Variants in DAGLB observed in about 807,000 individuals in gnomAD.
DAGLB encodes diacylglycerol lipase-beta.
A neutral mutation model predicts 72.1 loss-of-function variants in DAGLB; 66 were observed. The observed-to-expected ratio is 0.92, with a 90% CI of 0.75 to 1.12. The LOEUF (loss-of-function observed/expected upper bound fraction) is 1.12, where lower values mean the gene tolerates loss of function less well. Ranked by LOEUF, DAGLB falls within the 50% of genes most tolerant of loss-of-function variation. DAGLB has a pLI of 0.00. For synonymous variants in DAGLB, 414 were observed against 359.5 expected, an observed-to-expected ratio of 1.15 and a Z score of -1.71; for missense variants, 1,065 against 884.9, an observed-to-expected ratio of 1.20 and a Z score of -2.58.
intron 8 of DAGLB, among the ~76,000 whole-genome samples, chr7:6,423,977 G>A (rs1027945441): frequency 5.9e-5 from 9 of 152,070 alleles, no homozygotes; most frequent in Admixed American, 6.6e-5. Context: ...GGTGCCTCCC[G>A]GGAGACCCAC....
chr7:6,429,988 G>A (rs1784428157), intron 6 of DAGLB, among the ~76,000 whole-genome samples: 2 of 151,792 alleles, frequency 1.3e-5, no homozygotes, highest in Non-Finnish European at 2.9e-5. Context: ...AGCTTGCAGT[G>A]AGCCGAGATT....
chr7:6,427,580 T>C (rs566608744), intron 6 of DAGLB, among the ~76,000 whole-genome samples: 20 of 152,120 alleles, frequency 1.3e-4, no homozygotes, highest in Non-Finnish European at 2.8e-4. Flanking sequence ...ACCCCGTCTC[T>C]TAAAAGACAA....
rs1785057721 is a variant in DAGLB at position 6,447,731 on chromosome 7, G to GT, written c.95+16dup. The GT allele has an allele frequency of 5.6e-6, 9 of 1,607,580 alleles. No individual in the cohort carries two copies. The highest frequency in any genetic ancestry group is 3.3e-4 in the Middle Eastern group (2 of 6,070). ...CTCTCCGGTGGGCTCCACCGCCCCC[G>GT]TAGCCGCCGTCCTTACCACAGCACT... On this transcript the variant is annotated intron_variant, in intron 1 of 14. Coordinates refer to ENST00000297056, the MANE Select transcript of DAGLB (RefSeq NM_139179.4).
chr7:6,435,225 C>T (rs1784615857), intron 3 of DAGLB, among the ~76,000 whole-genome samples: 1 of 152,152 alleles, frequency 6.6e-6, no homozygotes, highest in Admixed American at 6.5e-5. Context: ...TGGTGGCTCA[C>T]ACCTGTAATC....
chr7:6,447,874 G>T lies in DAGLB; in HGVS notation c.-32C>A. On this transcript the variant is annotated 5_prime_UTR_variant, in exon 1 of 15. Coordinates refer to ENST00000297056, the MANE Select transcript of DAGLB (RefSeq NM_139179.4). ...GGTCCCGTAGCTCGCACTCAGGAGA[G>T]ACCCCGCGCGCCGTTCACCGAGAAC... is the stretch of plus-strand genomic sequence containing the variant. 1 of 1,578,458 alleles carries T rather than the reference G, an allele frequency of 6.3e-7. No homozygotes were observed. The highest frequency in any genetic ancestry group is 1.4e-5 in the African/African-American group (1 of 73,816).
At chr7:6,428,287 A>T (rs1422952991) in intron 6 of DAGLB, among the ~76,000 whole-genome samples, 3 of 137,000 alleles carry the variant, frequency 2.2e-5, no homozygotes, top group African/African-American at 8.2e-5. Context: ...TGGAGGTTGC[A>T]GTGAGCCAGG....
chr7:6,428,172 C>G (rs1261031851), intron 6 of DAGLB, among the ~76,000 whole-genome samples: 4 of 151,868 alleles, frequency 2.6e-5, no homozygotes, highest in African/African-American at 9.7e-5. Flanking sequence ...CAGCGAAAAC[C>G]TGTCTCTATT....
intron 4 of DAGLB, 82 bp downstream of exon 4, chr7:6,434,680 T>C (rs752491681): frequency 2.6e-4 from 411 of 1,581,568 alleles, no homozygotes; most frequent in Non-Finnish European, 3.3e-4. Flanking sequence ...AAACGCGGTT[T>C]TATGGGAACA....
intron 3 of DAGLB, among the ~76,000 whole-genome samples, chr7:6,435,708 G>A (rs1280695697): frequency 1.1e-4 from 16 of 152,128 alleles, no homozygotes; most frequent in Admixed American, 1.0e-3. Flanking sequence ...AGAGTACTCT[G>A]ATAGGCCTCT....
In DAGLB at chr7:6,410,353, A is replaced by T; in HGVS notation, c.1597T>A (p.Tyr533Asn). 1 of 1,613,560 alleles carries T rather than the reference A, an allele frequency of 6.2e-7. No individual in the cohort carries two copies. The highest frequency in any genetic ancestry group is 8.5e-7 in the Non-Finnish European group (1 of 1,179,714). The change falls in exon 14 of 15, where the codon TAC becomes AAC. Residue 533 changes from tyrosine to asparagine, a missense_variant. Transcript: ENST00000297056. ...TTGGGGTTTCCTCCAAACAGTTCGT[A>T]CCACAAACCGTGCAGCAAGATCTTG... is the stretch of plus-strand genomic sequence containing the variant. ...KYKILLHGLW[Y>N]ELFGGNPNNL...
rs1272335251 is a variant in DAGLB, at chr7:6,446,097, C to T, written c.103G>A (p.Gly35Ser). The stretch of plus-strand genomic sequence containing the variant: ...TGCATGAGATACAACGTCAGAATGC[C>T]AATCCACCTGGCAAAAAAAAAAAAG... Reference protein sequence around the residue: ...ELVVRVLWWIGILTLYLMHRG... With the variant: ...ELVVRVLWWISILTLYLMHRG... Residue 35 changes from glycine to serine, a missense_variant, in exon 2 of 15, where the codon GGC becomes AGC. Transcript: ENST00000297056. 2 of 1,573,816 alleles carry T rather than the reference C, an allele frequency of 1.3e-6. No homozygotes were observed. Among genetic ancestry groups the T allele is most frequent in the Non-Finnish European group, 1.7e-6 (2 of 1,164,714 alleles).
intron 6 of DAGLB, among the ~76,000 whole-genome samples, chr7:6,428,870 C>T (rs1349613998): frequency 6.6e-6 from 1 of 151,798 alleles, no homozygotes; most frequent in African/African-American, 2.4e-5. Flanking sequence ...AGTGGTGCAA[C>T]CCCAGCTCAC....
intron 13 of DAGLB, among the ~76,000 whole-genome samples, chr7:6,411,840 G>A: frequency 6.6e-6 from 1 of 152,068 alleles, no homozygotes; most frequent in East Asian, 1.9e-4. Flanking sequence ...CCCACTCTCT[G>A]CCATGAGTCA....
chr7:6,447,052 T>G (rs776803993), intron 1 of DAGLB, among the ~76,000 whole-genome samples: 1 of 152,176 alleles, frequency 6.6e-6, no homozygotes, highest in Non-Finnish European at 1.5e-5. Context: ...TTGCCCAGGT[T>G]GGTCTCAAAC....
chr7:6,427,817 T>C (rs1426188768), intron 6 of DAGLB, among the ~76,000 whole-genome samples: 1 of 152,018 alleles, frequency 6.6e-6, no homozygotes, highest in Non-Finnish European at 1.5e-5. Context: ...TAGGAAGTGC[T>C]CAGAACATGA....
At position 6,433,600 on chromosome 7, in the gene DAGLB, G is replaced by A. The variant is rs973725343; in HGVS notation, c.679-641C>T. On this transcript the variant is annotated intron_variant, in intron 4 of 14. Transcript: ENST00000297056. The stretch of plus-strand genomic sequence containing the variant: ...CACGCCTGTAATCCCAGCACTTTGG[G>A]AGGCCGAGGTGGGCGGATCACCTGA... 2.2e-4 allele frequency among the ~76,000 whole-genome samples: 33 copies of A among 152,164 alleles called. 1 individual carries two copies. The highest frequency in any genetic ancestry group is 2.9e-5 in the Non-Finnish European group (2 of 68,022).
chr7:6,437,183 A>AATG (rs1160954861), intron 2 of DAGLB, among the ~76,000 whole-genome samples: 8 of 148,746 alleles, frequency 5.4e-5, no homozygotes, highest in Non-Finnish European at 8.9e-5. Context: ...TAATAATAAT[A>AATG]ATAATAATAG....
intron 2 of DAGLB, among the ~76,000 whole-genome samples, chr7:6,442,175 G>A (rs1784856812): frequency 6.6e-6 from 1 of 152,116 alleles, no homozygotes; most frequent in South Asian, 2.1e-4. Flanking sequence ...ACGTGAGCCC[G>A]GCCTAGGGTC....
chr7:6,412,790 C>T, intron 13 of DAGLB, 21 bp downstream of exon 13: 2 of 1,569,006 alleles, frequency 1.3e-6, no homozygotes, highest in Non-Finnish European at 1.7e-6. Flanking sequence ...TGCTGACCCT[C>T]TCAACAAGGC....
Sources: allele counts gnomAD v4.1 joint callset (sites outside exome capture counted in the v4.1 genomes callset), GRCh38; gene constraint gnomAD v4.1.1; transcripts MANE v1.5; gene names NCBI Gene and HGNC (gene_info 2026-07-23, HGNC 2026-07-21).